The following MAGI2 variants were observed in gnomAD, a reference collection of about 807,000 sequenced individuals.
MAGI2 encodes the protein membrane associated guanylate kinase, WW and PDZ domain containing 2.
Under a neutral mutation model 133.3 loss-of-function variants are expected in MAGI2, and 35 were observed. The observed-to-expected ratio is 0.26, with a 90% CI of 0.20 to 0.35. MAGI2 has a LOEUF of 0.35. MAGI2 is among the 10% of genes least tolerant of loss of function. The probability of loss-of-function intolerance (pLI) is 1.00; values close to 1 mark genes in which losing one functional copy is unlikely to be tolerated. For synonymous variants in MAGI2, 729 were observed against 710.6 expected, an observed-to-expected ratio of 1.03 and a Z score of -0.41; for missense variants, 1,636 against 1,863.4, an observed-to-expected ratio of 0.88 and a Z score of 2.25.
At chr7:78,567,965 C>A (rs1801119710) in intron 3 of MAGI2, 1 of 152,206 alleles carries the variant, frequency 6.6e-6, no homozygotes, top group African/African-American at 2.4e-5. Flanking sequence ...ATCCACATTG[C>A]AAATCCAGGG....
chr7:79,136,175 A>G (rs1821557077), intron 1 of MAGI2, among the ~76,000 whole-genome samples: 1 of 152,218 alleles, frequency 6.6e-6, no homozygotes, highest in African/African-American at 2.4e-5. Context: ...ATTTAAATTT[A>G]CCAGAGGGAG....
intron 4 of MAGI2, among the ~76,000 whole-genome samples, chr7:78,508,973 C>T (rs1450530349): frequency 6.6e-6 from 1 of 151,510 alleles, no homozygotes; most frequent in Non-Finnish European, 1.5e-5. Context: ...CCTCTGACTC[C>T]CAGGTTCAAG....
At chr7:79,011,663 G>T (rs1808107903) in intron 1 of MAGI2, among the ~76,000 whole-genome samples, 1 of 152,112 alleles carries the variant, frequency 6.6e-6, no homozygotes, top group African/African-American at 2.4e-5. Context: ...GACCACCAGG[G>T]TTTGGCTCAT....
At chr7:79,409,165 A>G (rs1369021016) in intron 1 of MAGI2, among the ~76,000 whole-genome samples, 3 of 152,192 alleles carry the variant, frequency 2.0e-5, no homozygotes, top group Non-Finnish European at 1.5e-5. Flanking sequence ...AAAAATTAAA[A>G]CAATTATTCC....
chr7:78,237,927 C>A lies in MAGI2; in HGVS notation c.2047+18016G>T, dbSNP rs138105672. Among the ~76,000 whole-genome samples, 25 of 152,272 alleles carry A rather than the reference C, an allele frequency of 1.6e-4. No individual in the cohort carries two copies. In the East Asian group the frequency reaches 3.7e-3, roughly 22 times the overall value. On this transcript the variant is annotated intron_variant, in intron 10 of 21. Coordinates refer to ENST00000354212, the MANE Select transcript of MAGI2 (RefSeq NM_012301.4). ...TTTTTTAAAAAATTGAGTTTACTTA[C>A]AACTGACTTGAGTGGTCACGTTAGC...
intron 6 of MAGI2, among the ~76,000 whole-genome samples, chr7:78,449,514 T>C (rs1788495211): frequency 6.6e-6 from 1 of 152,102 alleles, no homozygotes; most frequent in South Asian, 2.1e-4. Context: ...TTTGACTCAA[T>C]ACCATTGTCT....
chr7:78,043,889 T>C (rs1811119338), intron 21 of MAGI2, among the ~76,000 whole-genome samples: 1 of 152,216 alleles, frequency 6.6e-6, no homozygotes, highest in South Asian at 2.1e-4. Flanking sequence ...TTTACTAAGT[T>C]TGATTTTTGC....
intron 21 of MAGI2, among the ~76,000 whole-genome samples, chr7:78,037,238 T>G (rs1316152186): frequency 6.6e-6 from 1 of 151,678 alleles, no homozygotes; most frequent in African/African-American, 2.4e-5. Flanking sequence ...GGGGGTGGAG[T>G]GGTGGAGGGC....
chr7:79,151,712 T>A (rs2129547023), intron 1 of MAGI2, among the ~76,000 whole-genome samples: 1 of 152,190 alleles, frequency 6.6e-6, no homozygotes, highest in South Asian at 2.1e-4. Context: ...ACAGGGCAGG[T>A]AAATTTGATA....
intron 2 of MAGI2, among the ~76,000 whole-genome samples, chr7:78,887,385 C>A (rs1322256025): frequency 2.0e-5 from 3 of 152,210 alleles, no homozygotes; most frequent in Non-Finnish European, 4.4e-5. Context: ...TGTAATTTAT[C>A]AGCCCATTCT....
intron 16 of MAGI2, among the ~76,000 whole-genome samples, chr7:78,156,625 C>A (rs527539227): frequency 2.6e-5 from 4 of 152,000 alleles, no homozygotes; most frequent in African/African-American, 9.6e-5. Context: ...AACTGAGGCC[C>A]AAAGAGGTCA....
rs1038446661 is a variant in MAGI2 at position 78,912,982 on chromosome 7, G to A, written c.418+94108C>T. Among the ~76,000 whole-genome samples the A allele has an allele frequency of 2.6e-5, 4 of 151,752 alleles. No individual in the cohort carries two copies. In the East Asian group the frequency reaches 5.8e-4, roughly 22 times the overall value. ...ATCCTCAAGAAGAGAAATACAGTTT[G>A]GGGGTGGAGATCAAGAGAAAGCATC... On this transcript the variant is annotated intron_variant, in intron 2 of 21. Coordinates refer to ENST00000354212, the MANE Select transcript of MAGI2 (RefSeq NM_012301.4).
At chr7:78,262,984 T>C (rs1229904402) in intron 9 of MAGI2, among the ~76,000 whole-genome samples, 2 of 152,110 alleles carry the variant, frequency 1.3e-5, no homozygotes, top group African/African-American at 2.4e-5. Flanking sequence ...CGTCTCTCCC[T>C]CCTCTGTCTA....
At chr7:78,041,954 A>G (rs1044775810) in intron 21 of MAGI2, among the ~76,000 whole-genome samples, 2 of 152,176 alleles carry the variant, frequency 1.3e-5, no homozygotes, top group African/African-American at 2.4e-5. Flanking sequence ...CCGCCCTGTG[A>G]TAGACACAGG....
chr7:79,364,710 A>T (rs1417968014), intron 1 of MAGI2, among the ~76,000 whole-genome samples: 2 of 152,174 alleles, frequency 1.3e-5, no homozygotes, highest in African/African-American at 4.8e-5. Flanking sequence ...ACCCTTAAGT[A>T]AATAGTGCTG....
At chr7:78,729,078 T>C (rs376145410) in intron 2 of MAGI2, among the ~76,000 whole-genome samples, 12 of 152,294 alleles carry the variant, frequency 7.9e-5, no homozygotes, top group East Asian at 3.9e-4. Context: ...ATATCTATGA[T>C]AATGATCATA....
chr7:78,452,572 A>G (rs1003304625), intron 6 of MAGI2, among the ~76,000 whole-genome samples: 10 of 151,876 alleles, frequency 6.6e-5, no homozygotes, highest in East Asian at 3.9e-4. Flanking sequence ...TTTTTCTGGG[A>G]AAAAAACCAA....
At chr7:78,830,342 T>C (rs912622033) in intron 2 of MAGI2, among the ~76,000 whole-genome samples, 1 of 152,168 alleles carries the variant, frequency 6.6e-6, no homozygotes, top group Non-Finnish European at 1.5e-5. Context: ...GAATTGTTTA[T>C]ACAACAAACA....
At chr7:78,098,689 A>G (rs1817935201) in intron 20 of MAGI2, among the ~76,000 whole-genome samples, 3 of 152,116 alleles carry the variant, frequency 2.0e-5, no homozygotes, top group Admixed American at 2.0e-4. Flanking sequence ...TATTTTCCAA[A>G]GTTGCTGCAT....
Sources: gnomAD v4.1 joint callset for allele counts (sites outside exome capture counted in the v4.1 genomes callset) on GRCh38, gnomAD v4.1.1 for gene constraint, MANE v1.5 for transcripts, NCBI Gene and HGNC (gene_info 2026-07-23, HGNC 2026-07-21) for gene names.